The following NELL2 variants were observed in gnomAD, a reference collection of about 807,000 sequenced individuals.
The protein encoded by NELL2 is protein kinase C-binding protein NELL2.
NELL2 carries 41 observed loss-of-function variants against 109.6 expected under a neutral mutation model. That is an observed-to-expected ratio of 0.37 (90% CI 0.29 to 0.49). The LOEUF (loss-of-function observed/expected upper bound fraction) is 0.49, where lower values mean the gene tolerates loss of function less well. NELL2 is among the 20% of genes least tolerant of loss of function. The pLI is 0.98. For missense variants in NELL2, 900 were observed against 1,008.3 expected, an observed-to-expected ratio of 0.89 and a Z score of 1.45; for synonymous variants, 355 against 344.7, an observed-to-expected ratio of 1.03 and a Z score of -0.33.
At chr12:44,698,651 G>A (rs187320234) in intron 12 of NELL2, among the ~76,000 whole-genome samples, 9 of 152,276 alleles carry the variant, frequency 5.9e-5, no homozygotes, top group Admixed American at 5.9e-4. Context: ...TAGGTACTTG[G>A]AGGTGGGCTC....
At chr12:44,591,026 G>A (rs1009488358) in intron 15 of NELL2, among the ~76,000 whole-genome samples, 2 of 151,964 alleles carry the variant, frequency 1.3e-5, no homozygotes, top group African/African-American at 4.8e-5. Flanking sequence ...ATGAAGAAAT[G>A]TTCAACATCA....
chr12:44,579,751 G>C (rs1276407267), intron 15 of NELL2, among the ~76,000 whole-genome samples: 3 of 151,994 alleles, frequency 2.0e-5, no homozygotes, highest in African/African-American at 7.3e-5. Context: ...GACACATTTG[G>C]CATTAGAATA....
chr12:44,665,670 A>G, intron 12 of NELL2, 61 bp from the exon 13 acceptor site: 1 of 1,489,764 alleles, frequency 6.7e-7, no homozygotes, highest in South Asian at 1.5e-5. Context: ...CTCCTATATA[A>G]TTTTCTTTGG....
chr12:44,774,566 G>C (rs1941674214), intron 9 of NELL2, 181 bp downstream of exon 9: 2 of 589,354 alleles, frequency 3.4e-6, no homozygotes, highest in Non-Finnish European at 6.0e-6. Context: ...CTGGAATAGG[G>C]GCATAGCATT....
chr12:44,837,363 G>C (rs2408084), intron 2 of NELL2, among the ~76,000 whole-genome samples: 1 of 152,008 alleles, frequency 6.6e-6, no homozygotes, highest in East Asian at 1.9e-4. Context: ...ATCCCTAATC[G>C]TGGCAATCTA....
chr12:44,837,898 C>T (rs1944103862), intron 2 of NELL2, among the ~76,000 whole-genome samples: 1 of 152,178 alleles, frequency 6.6e-6, no homozygotes. Flanking sequence ...TAAAGACTTA[C>T]ACTGTGCCAG....
chr12:44,877,726 C>G (rs939063893), upstream of NELL2, among the ~76,000 whole-genome samples: 1 of 151,830 alleles, frequency 6.6e-6, no homozygotes, highest in Non-Finnish European at 1.5e-5. Flanking sequence ...ACAAAAGATT[C>G]AGAATTCGGG....
At chr12:44,549,905 T>C (rs1253390048) in intron 15 of NELL2, among the ~76,000 whole-genome samples, 1 of 152,100 alleles carries the variant, frequency 6.6e-6, no homozygotes, top group Non-Finnish European at 1.5e-5. Flanking sequence ...CTGAAATTCA[T>C]ATAGAACCAC....
Position 44,572,574 on chromosome 12 carries a change from CAT to C in NELL2, c.1663+34593_1663+34594del, listed in dbSNP as rs1324566945. Among the ~76,000 whole-genome samples, 6 of 152,110 alleles carry C rather than the reference CAT, an allele frequency of 3.9e-5. No individual in the cohort carries two copies. The South Asian group carries it at 8.3e-4, about 21-fold the overall frequency. On this transcript the variant is annotated intron_variant, in intron 15 of 19. Transcript: ENST00000429094. Reference sequence around the variant, plus strand: ...TAGCTTTCATATTCACTCATTTTAACATATTTTCTGGACAACAGTGTTTCAAT... The same window carrying C: ...TAGCTTTCATATTCACTCATTTTAACATTTTCTGGACAACAGTGTTTCAAT...
rs138882159 is a variant in NELL2, at chr12:44,523,408, A to G, written c.1881T>C (p.Asp627=). Residue 627 remains aspartate (D), a synonymous_variant, in exon 17 of 20, where the codon GAT becomes GAC. Coordinates refer to ENST00000429094, the MANE Select transcript of NELL2 (RefSeq NM_001145108.2). ...AATTCTTTCCATGAGGACATCGACA[A>G]TCATATCCGCCATCCAAATTGAAGC... ...TICFNLDGGY[D]CRCPHGKNCT... is the part of the protein sequence containing the mutation. The G allele has an allele frequency of 7.4e-5, 119 of 1,614,140 alleles. No individual in the cohort carries two copies. The highest frequency in any genetic ancestry group is 9.7e-5 in the Non-Finnish European group (115 of 1,180,014).
intron 18 of NELL2, among the ~76,000 whole-genome samples, chr12:44,520,504 C>T (rs1217444112): frequency 2.0e-5 from 3 of 152,032 alleles, no homozygotes; most frequent in Non-Finnish European, 4.4e-5. Flanking sequence ...CATCTTAAAA[C>T]AATAAAATGT....
At position 44,787,274 on chromosome 12, in the gene NELL2, G is replaced by T. The variant is rs141458561; in HGVS notation, c.336-7252C>A. On this transcript the variant is annotated intron_variant, in intron 3 of 19. Coordinates refer to ENST00000429094, the MANE Select transcript of NELL2 (RefSeq NM_001145108.2). ...CATAACACTGATGAAAGAAATCAAAGATCTAAATTATGAATAAATATACCA... is the reference window on the plus strand; with the variant it reads ...CATAACACTGATGAAAGAAATCAAATATCTAAATTATGAATAAATATACCA... 7.5e-3 allele frequency among the ~76,000 whole-genome samples: 1,135 copies of T among 151,964 alleles called. 19 individuals carry two copies. The highest frequency in any genetic ancestry group is 0.025 in the African/African-American group (1,022 of 41,458).
intron 12 of NELL2, among the ~76,000 whole-genome samples, chr12:44,700,384 A>T (rs1949193170): frequency 6.6e-6 from 1 of 152,148 alleles, no homozygotes; most frequent in Non-Finnish European, 1.5e-5. Flanking sequence ...ATCTTTAATT[A>T]GCTGTCCCTT....
chr12:44,530,688 A>G lies in NELL2; in HGVS notation c.1804+1893T>C, dbSNP rs547070085. ...CTTGCTTTAGGGGAAGCAAGCTCCC[A>G]CGCCTTGAGGAGTGGCCCATGTATT... On this transcript the variant is annotated intron_variant, in intron 16 of 19. Coordinates refer to ENST00000429094, the MANE Select transcript of NELL2 (RefSeq NM_001145108.2). Among the ~76,000 whole-genome samples the G allele has an allele frequency of 1.3e-3, 202 of 152,314 alleles. 1 individual carries two copies. Among genetic ancestry groups the G allele is most frequent in the Non-Finnish European group, 2.4e-3 (166 of 68,026 alleles).
intron 13 of NELL2, among the ~76,000 whole-genome samples, chr12:44,651,245 C>G (rs1406183524): frequency 6.6e-6 from 1 of 152,212 alleles, no homozygotes; most frequent in Non-Finnish European, 1.5e-5. Flanking sequence ...TTGGGGATCA[C>G]TGGTTTAAGA....
chr12:44,767,358 AACCCGGAGAG>A lies in NELL2; in HGVS notation c.994+7379_994+7388del, dbSNP rs530004854. Among the ~76,000 whole-genome samples the A allele has an allele frequency of 2.5e-4, 38 of 152,292 alleles. No homozygotes were observed. In the East Asian group the frequency reaches 6.0e-3, roughly 24 times the overall value. The stretch of plus-strand genomic sequence containing the variant: ...AATGCCTTTTCTAAACACCTACTGA[AACCCGGAGAG>A]ACGTGCTGTTTTCAGGCTTCCCTCA... On this transcript the variant is annotated intron_variant, in intron 9 of 19. Transcript: ENST00000429094.
chr12:44,821,992 C>G (rs1943561956), intron 2 of NELL2, among the ~76,000 whole-genome samples: 1 of 151,842 alleles, frequency 6.6e-6, no homozygotes, highest in Non-Finnish European at 1.5e-5. Context: ...TCTTGAACTT[C>G]TGGCTGCAAG....
At chr12:44,786,159 A>G (rs570826758) in intron 3 of NELL2, among the ~76,000 whole-genome samples, 2 of 152,312 alleles carry the variant, frequency 1.3e-5, no homozygotes, top group South Asian at 4.1e-4. Context: ...CAGAATCTGG[A>G]AGGACATTAA....
At chr12:44,521,258 T>C (rs1042394608) in intron 18 of NELL2, among the ~76,000 whole-genome samples, 5 of 152,188 alleles carry the variant, frequency 3.3e-5, no homozygotes, top group African/African-American at 7.2e-5. Context: ...ATCAGAAGCA[T>C]TGAAAATAAC....
Sources: allele counts gnomAD v4.1 joint callset (sites outside exome capture counted in the v4.1 genomes callset), GRCh38; gene constraint gnomAD v4.1.1; transcripts MANE v1.5; gene names NCBI Gene and HGNC (gene_info 2026-07-23, HGNC 2026-07-21).